The following RPS6KA6 variants were observed in gnomAD, a reference collection of about 807,000 sequenced individuals.
The protein encoded by RPS6KA6 is ribosomal protein S6 kinase A6.
RPS6KA6 carries 27 observed loss-of-function variants against 65.4 expected under a neutral mutation model. The observed-to-expected ratio is 0.41, with a 90% CI of 0.30 to 0.57. The LOEUF (loss-of-function observed/expected upper bound fraction) is 0.57, where lower values mean the gene tolerates loss of function less well. RPS6KA6 is among the 20% of genes least tolerant of loss of function. The pLI is 0.24. For missense variants in RPS6KA6, 486 were observed against 555.6 expected (o/e 0.87, Z 1.26); for synonymous variants, 190 against 184.2 (o/e 1.03, Z -0.26).
At chrX:84,111,059 T>C (rs1269712720) in intron 12 of RPS6KA6, among the ~76,000 whole-genome samples, 2 of 107,570 alleles carry the variant, frequency 1.9e-5, no homozygotes, top group Non-Finnish European at 3.8e-5. Flanking sequence ...CAAAACAGAA[T>C]TGAAAACTTT....
At chrX:84,153,190 T>C (rs2035358322) in intron 3 of RPS6KA6, among the ~76,000 whole-genome samples, 1 of 111,883 alleles carries the variant, frequency 8.9e-6, no homozygotes, top group African/African-American at 3.2e-5. Flanking sequence ...AGAGTACAAG[T>C]ATTCGATATT....
At chrX:84,073,963 C>T (rs6622904) in intron 20 of RPS6KA6, among the ~76,000 whole-genome samples, 5,675 of 111,199 alleles carry the variant, frequency 0.051, 199 homozygotes, top group East Asian at 0.2. Flanking sequence ...AACTGCATGG[C>T]ATTTCCTCAA....
At chrX:84,097,946 A>C (rs931942618) in intron 18 of RPS6KA6, 98 bp from the exon 19 acceptor site, 4 of 603,792 alleles carry the variant, frequency 6.6e-6, no homozygotes, top group Non-Finnish European at 1.0e-5. Context: ...AAAAGTTCAT[A>C]ATATAAAAAC....
intron 6 of RPS6KA6, among the ~76,000 whole-genome samples, chrX:84,137,256 A>G (rs2035006126): frequency 8.9e-6 from 1 of 112,004 alleles, no homozygotes. Context: ...AGTTAATACT[A>G]TATCATAAGC....
intron 20 of RPS6KA6, among the ~76,000 whole-genome samples, chrX:84,081,099 C>G (rs1000709685): frequency 5.4e-5 from 6 of 111,435 alleles, no homozygotes; most frequent in Non-Finnish European, 9.4e-5. Context: ...GATTCAAAAG[C>G]TAGCAGAAGA....
chrX:84,072,337 T>C (rs1160006569), intron 20 of RPS6KA6, among the ~76,000 whole-genome samples: 2 of 111,968 alleles, frequency 1.8e-5, no homozygotes, highest in East Asian at 5.6e-4. Flanking sequence ...AAAAAGCATT[T>C]GATAAAATTC....
rs746518015 is a variant in RPS6KA6, at chrX:84,170,165, TAA to T, written c.82-5780_82-5779del. Among the ~76,000 whole-genome samples the T allele has an allele frequency of 3.8e-4, 21 of 55,300 alleles. No individual in the cohort carries two copies. In the East Asian group the frequency reaches 5.3e-3, roughly 14 times the overall value. 48.0% of individuals were successfully genotyped at this position (55,300 alleles called of 115,157 possible). A position where few individuals can be genotyped will look rare whatever the true frequency, so the allele number is the denominator to read the frequency against. ...TTGGATGGCAGAGTAAGACTCCTTC[TAA>T]AAAAAAAAAAAAAAAAAAAGAAAAT... is the stretch of plus-strand genomic sequence containing the variant. On this transcript the variant is annotated intron_variant, in intron 1 of 21. Transcript: ENST00000262752.
At chrX:84,128,781 G>A (rs2034842377) in intron 8 of RPS6KA6, among the ~76,000 whole-genome samples, 1 of 111,818 alleles carries the variant, frequency 8.9e-6, no homozygotes, top group African/African-American at 3.2e-5. Flanking sequence ...TAGGAAAACT[G>A]GATATGCATA....
At position 84,106,899 on chromosome X, in the gene RPS6KA6, G is replaced by C. The variant is rs773397881; in HGVS notation, c.1242+11C>G. The C allele has an allele frequency of 2.6e-6, 3 of 1,147,795 alleles. No homozygotes were observed. The highest frequency in any genetic ancestry group is 3.5e-6 in the Non-Finnish European group (3 of 851,659). 94.6% of individuals were successfully genotyped at this position (1,147,795 alleles called of 1,213,427 possible). On this transcript the variant is annotated intron_variant, in intron 14 of 21. Transcript: ENST00000262752. Reference sequence around the variant, plus strand: ...TCCCAAAACTGAATAATGTGATTAAGTGGAATTTACCTGAACAATTGGTAA... The same window carrying C: ...TCCCAAAACTGAATAATGTGATTAACTGGAATTTACCTGAACAATTGGTAA...
intron 6 of RPS6KA6, among the ~76,000 whole-genome samples, chrX:84,144,121 AGATATGCCT>A (rs2035155103): frequency 9.0e-6 from 1 of 111,256 alleles, no homozygotes; most frequent in Non-Finnish European, 1.9e-5. Context: ...GTGATTAGGC[AGATATGCCT>A]TACAAAGGAC....
chrX:84,066,027 C>G (rs759828829), intron 20 of RPS6KA6, among the ~76,000 whole-genome samples: 1 of 111,042 alleles, frequency 9.0e-6, no homozygotes, highest in African/African-American at 3.3e-5. Context: ...CAGGGGACCT[C>G]TCTCCCTCAG....
intron 3 of RPS6KA6, among the ~76,000 whole-genome samples, chrX:84,149,828 C>T (rs1405862861): frequency 9.0e-6 from 1 of 111,678 alleles, no homozygotes; most frequent in Non-Finnish European, 1.9e-5. Flanking sequence ...GTTCCAGGAT[C>T]ACTAGCTTCT....
At position 84,107,012 on chromosome X, in the gene RPS6KA6, A is replaced by C; in HGVS notation, c.1140T>G (p.Asn380Lys). ...KDSPGLPASA[N>K]AHQLFKGFSF... The stretch of plus-strand genomic sequence containing the variant: ...TGAATCCTTTGAAGAGCTGATGAGC[A>C]TTTGCACTGGCTGGCAAACCGGGAG... The change falls in exon 14 of 22, where the codon AAT becomes AAG. Residue 380 changes from asparagine to lysine, a missense_variant. By Grantham distance (94) the Asn-to-Lys change is moderately conservative. Transcript: ENST00000262752. 3 of 1,201,082 alleles carry C rather than the reference A, an allele frequency of 2.5e-6. No homozygotes were observed. Among genetic ancestry groups the C allele is most frequent in the Non-Finnish European group, 3.4e-6 (3 of 890,030 alleles).
intron 17 of RPS6KA6, among the ~76,000 whole-genome samples, chrX:84,103,198 T>A (rs1192202609): frequency 9.0e-6 from 1 of 110,862 alleles, no homozygotes; most frequent in African/African-American, 3.3e-5. Context: ...CTTAAGAAAA[T>A]CAATAAATTC....
chrX:84,065,021 G>C lies in RPS6KA6; in HGVS notation c.2062C>G (p.Gln688Glu). ...LKHSWITHRD[Q>E]LPNDQPKRND... The stretch of plus-strand genomic sequence containing the variant: ...CTCTTTGGCTGATCATTTGGCAACT[G>C]GTCTCTGTGAGTTATCCATGAGTGC... Residue 688 changes from glutamine to glutamate, a missense_variant, in exon 21 of 22, where the codon CAG becomes GAG. Gln to Glu is a conservative substitution (Grantham distance 29). Transcript: ENST00000262752. 8.3e-7 allele frequency: 1 copy of C among 1,204,053 alleles called. No individual in the cohort carries two copies. The highest frequency in any genetic ancestry group is 1.1e-6 in the Non-Finnish European group (1 of 889,407).
rs765918483 is a variant in RPS6KA6 at position 84,086,921 on chromosome X, CTTCT to C, written c.1971+9269_1971+9272del. On this transcript the variant is annotated intron_variant, in intron 20 of 21. Transcript: ENST00000262752. ...GAGCCCTTTACCATCATGTAATGCC[CTTCT>C]TTGTCTTTTGATTTTTTAAAGTGTA... is the stretch of plus-strand genomic sequence containing the variant. 4.3e-4 allele frequency among the ~76,000 whole-genome samples: 48 copies of C among 111,248 alleles called. No homozygotes were observed. The South Asian group carries it at 8.0e-3, about 19-fold the overall frequency.
intron 1 of RPS6KA6, among the ~76,000 whole-genome samples, chrX:84,172,638 C>T (rs1358512958): frequency 9.0e-6 from 1 of 111,627 alleles, no homozygotes; most frequent in Non-Finnish European, 1.9e-5. Context: ...AAATCGAAAG[C>T]AGGGTCTCAA....
At chrX:84,161,566 A>G (rs189981190) in intron 2 of RPS6KA6, among the ~76,000 whole-genome samples, 101 of 111,742 alleles carry the variant, frequency 9.0e-4, no homozygotes, top group African/African-American at 3.0e-3. Flanking sequence ...TAGAGGAAAA[A>G]AAAATCCACC....
rs758374442 is a variant in RPS6KA6, at chrX:84,064,412, T to C, written c.2113-10A>G. 5.2e-6 allele frequency: 6 copies of C among 1,159,698 alleles called. No individual in the cohort carries two copies. The highest frequency in any genetic ancestry group is 6.9e-6 in the Non-Finnish European group (6 of 873,523). ...TTGCAACCATTGCTCCCTAAAGTAA[T>C]GAGAAAATGCCACAAACTAAGTACA... is the stretch of plus-strand genomic sequence containing the variant. On this transcript the variant is annotated splice_polypyrimidine_tract_variant and intron_variant, in intron 21 of 21. Coordinates refer to ENST00000262752, the MANE Select transcript of RPS6KA6 (RefSeq NM_014496.5).
Sources: allele counts gnomAD v4.1 joint callset (sites outside exome capture counted in the v4.1 genomes callset), GRCh38; gene constraint gnomAD v4.1.1; transcripts MANE v1.5; gene names NCBI Gene and HGNC (gene_info 2026-07-23, HGNC 2026-07-21).